ADRA1A: variants seen among roughly 807,000 people sequenced by gnomAD.
ADRA1A encodes the protein adrenoceptor alpha 1A, also known as alpha-1A adrenergic receptor.
ADRA1A carries 31 observed loss-of-function variants against 29.6 expected under a neutral mutation model. The ratio of observed to expected loss-of-function variants is 1.05; its 90% confidence interval spans 0.79 to 1.41. ADRA1A has a LOEUF of 1.41. ADRA1A is among the 40% of genes most tolerant of loss of function. The probability of loss-of-function intolerance (pLI) is 0.00; values close to 1 mark genes in which losing one functional copy is unlikely to be tolerated. For synonymous variants in ADRA1A, 311 were observed against 254.3 expected, an observed-to-expected ratio of 1.22 and a Z score of -2.12; for missense variants, 619 against 601.1, an observed-to-expected ratio of 1.03 and a Z score of -0.31.
chr8:26,791,003 C>CTCACACATACACAT (rs1807779679), intron 2 of ADRA1A, among the ~76,000 whole-genome samples: 2 of 152,006 alleles, frequency 1.3e-5, no homozygotes, highest in African/African-American at 4.8e-5. Context: ...CACATACACA[C>CTCACACATACACAT]ACTCACACAC....
chr8:26,812,744 A>G (rs1223084628), intron 2 of ADRA1A, among the ~76,000 whole-genome samples: 1 of 151,614 alleles, frequency 6.6e-6, no homozygotes, highest in East Asian at 1.9e-4. Flanking sequence ...GGCTCACTGC[A>G]AGCTCCGCCT....
chr8:26,777,503 G>C (rs1268016514), intron 2 of ADRA1A, among the ~76,000 whole-genome samples: 1 of 152,198 alleles, frequency 6.6e-6, no homozygotes, highest in African/African-American at 2.4e-5. Flanking sequence ...CTTACCAACA[G>C]AGCAAGCAGA....
At chr8:26,759,320 G>T (rs932510790) in intron 2 of ADRA1A, among the ~76,000 whole-genome samples, 1 of 152,278 alleles carries the variant, frequency 6.6e-6, no homozygotes, top group African/African-American at 2.4e-5. Context: ...GGAGATGAAA[G>T]CAAGCAAGGG....
chr8:26,828,781 T>C (rs1810771716), intron 2 of ADRA1A, among the ~76,000 whole-genome samples: 1 of 152,134 alleles, frequency 6.6e-6, no homozygotes, highest in African/African-American at 2.4e-5. Flanking sequence ...TAGTATTCAA[T>C]TGACCTGAAC....
intron 2 of ADRA1A, chr8:26,772,088 A>G (rs1417763551): frequency 1.2e-5 from 2 of 160,134 alleles, no homozygotes; most frequent in African/African-American, 4.9e-5. Context: ...GCAAAGAAAG[A>G]AGAATCTGGA....
intron 2 of ADRA1A, among the ~76,000 whole-genome samples, chr8:26,824,377 C>T (rs149369124): frequency 1.4e-4 from 21 of 152,102 alleles, no homozygotes; most frequent in South Asian, 4.2e-4. Flanking sequence ...GCATGCCCGC[C>T]GGGAAGCCAC....
chr8:26,837,461 G>A (rs1035576244), intron 2 of ADRA1A, among the ~76,000 whole-genome samples: 1 of 152,080 alleles, frequency 6.6e-6, no homozygotes, highest in Non-Finnish European at 1.5e-5. Context: ...GACCAGCCCA[G>A]CCAACACAGT....
At chr8:26,779,695 G>A (rs929113780) in intron 2 of ADRA1A, among the ~76,000 whole-genome samples, 1 of 152,130 alleles carries the variant, frequency 6.6e-6, no homozygotes, top group African/African-American at 2.4e-5. Context: ...GAAAGGAGGG[G>A]TGGGAGGAGA....
intron 2 of ADRA1A, among the ~76,000 whole-genome samples, chr8:26,789,976 G>T (rs1175408904): frequency 6.6e-6 from 1 of 152,162 alleles, no homozygotes; most frequent in Non-Finnish European, 1.5e-5. Context: ...AGGATGGGAA[G>T]AAAAGGGAAC....
intron 2 of ADRA1A, among the ~76,000 whole-genome samples, chr8:26,749,656 T>C (rs1804839119): frequency 6.6e-6 from 1 of 152,238 alleles, no homozygotes; most frequent in African/African-American, 2.4e-5. Flanking sequence ...GAAGACTGTC[T>C]GCTTTTCTCT....
chr8:26,761,430 G>A (rs62492166), downstream of ADRA1A, among the ~76,000 whole-genome samples: 9,218 of 152,268 alleles, frequency 0.061, 274 homozygotes, highest in Middle Eastern at 0.088. Flanking sequence ...GACTGTATTC[G>A]GCGATAGTGC....
exon 3 of ADRA1A, chr8:26,756,523 C>T (rs1805177231): frequency 2.0e-6 from 3 of 1,532,446 alleles, no homozygotes; most frequent in Non-Finnish European, 2.6e-6. Context: ...TCCTCTTTCC[C>T]TTTGCATTCA....
chr8:26,843,195 T>C (rs1585814984), intron 2 of ADRA1A, among the ~76,000 whole-genome samples: 2 of 152,212 alleles, frequency 1.3e-5, no homozygotes, highest in East Asian at 3.9e-4. Flanking sequence ...GCTCTTCTTC[T>C]TCCTGACCTC....
intron 2 of ADRA1A, among the ~76,000 whole-genome samples, chr8:26,861,303 G>GTTTTTTTT (rs35538353): frequency 3.3e-5 from 4 of 119,672 alleles, no homozygotes; most frequent in South Asian, 2.9e-4. Flanking sequence ...CAGAGGCTCT[G>GTTTTTTTT]TTTTTTTTTT....
chr8:26,838,574 T>A (rs1811562922), intron 2 of ADRA1A, among the ~76,000 whole-genome samples: 2 of 152,180 alleles, frequency 1.3e-5, no homozygotes, highest in African/African-American at 4.8e-5. Context: ...GGAATACAAT[T>A]TAGAGCTTAC....
In ADRA1A at chr8:26,848,927, C is replaced by T. The variant is rs17056059; in HGVS notation, c.883+15160G>A. Among the ~76,000 whole-genome samples the T allele has an allele frequency of 0.043, 6,481 of 152,244 alleles. 235 individuals carry two copies. The highest frequency in any genetic ancestry group is 0.1 in the African/African-American group (4,204 of 41,532). The stretch of plus-strand genomic sequence containing the variant: ...CTTCTGAAGGACTGAAGGAGAGAAT[C>T]GCACTGCGGGTGACCCACTTCTGCT... On this transcript the variant is annotated intron_variant, in intron 2 of 2. Coordinates refer to ENST00000380573, the MANE Select transcript of ADRA1A (RefSeq NM_000680.4). The surrounding 1 kb of genome is among the most constrained non-coding windows in gnomAD (Gnocchi z 4.3).
At position 26,796,106 on chromosome 8, in the gene ADRA1A, A is replaced by G. The variant is rs576264735; in HGVS notation, c.884-25440T>C. Among the ~76,000 whole-genome samples, 5 of 152,276 alleles carry G rather than the reference A, an allele frequency of 3.3e-5. No individual in the cohort carries two copies. Among genetic ancestry groups the G allele is most frequent in the African/African-American group, 1.2e-4 (5 of 41,568 alleles). On this transcript the variant is annotated intron_variant, in intron 2 of 2. Transcript: ENST00000380573. The surrounding 1 kb of genome is among the most constrained non-coding windows in gnomAD (Gnocchi z 5.0). ...TTTAGAAGTAAATAGTAAAATATTT[A>G]CAGATGAAATGACATGCTCTCTAGA... is the stretch of plus-strand genomic sequence containing the variant.
intron 2 of ADRA1A, among the ~76,000 whole-genome samples, chr8:26,851,820 CA>C (rs1395144594): frequency 6.6e-6 from 1 of 151,876 alleles, no homozygotes; most frequent in Non-Finnish European, 1.5e-5. Context: ...GAAACTTTAT[CA>C]TACTTCTCTC....
Position 26,864,583 on chromosome 8 carries a change from GC to G in ADRA1A, c.386del (p.Ser129ThrfsTer104). ...IISIDRYIGV[S>X]YPLRYPTIVT... ...CGATGGTTGGGTAGCGCAGCGGGTA[GC>G]TCACGCCGATGTAGCGGTCGATGGA... On this transcript the variant is annotated frameshift_variant, in exon 2 of 3. Coordinates refer to ENST00000380573, the MANE Select transcript of ADRA1A (RefSeq NM_000680.4). LOFTEE classifies it high-confidence loss of function. The surrounding 1 kb of genome is among the most constrained non-coding windows in gnomAD (Gnocchi z 8.1). 6.2e-7 allele frequency: 1 copy of G among 1,614,126 alleles called. No homozygotes were observed.
Sources: allele counts gnomAD v4.1 joint callset (sites outside exome capture counted in the v4.1 genomes callset), GRCh38; gene constraint gnomAD v4.1.1; non-coding constraint Gnocchi (gnomAD v3.1); transcripts MANE v1.5; gene names NCBI Gene and HGNC (gene_info 2026-07-23, HGNC 2026-07-21).